The following ZBTB7C variants were observed in gnomAD, a reference collection of about 807,000 sequenced individuals.
ZBTB7C encodes the protein zinc finger and BTB domain-containing protein 7C.
Under a neutral mutation model 25.7 loss-of-function variants are expected in ZBTB7C, and 8 were observed. The observed-to-expected ratio is 0.31, with a 90% CI of 0.18 to 0.56. The LOEUF (loss-of-function observed/expected upper bound fraction) is 0.56, where lower values mean the gene tolerates loss of function less well. ZBTB7C is among the 20% of genes least tolerant of loss of function. ZBTB7C has a pLI of 0.91. For missense variants in ZBTB7C, 824 were observed against 855.2 expected (o/e 0.96, Z 0.46); for synonymous variants, 394 against 369.0 (o/e 1.07, Z -0.78).
chr18:48,317,848 T>A (rs1212698382), intron 2 of ZBTB7C, among the ~76,000 whole-genome samples: 1 of 152,184 alleles, frequency 6.6e-6, no homozygotes, highest in Non-Finnish European at 1.5e-5. Flanking sequence ...TCTGACCCTG[T>A]AGGTCTGGGG....
chr18:48,317,257 C>CA (rs71165318), intron 2 of ZBTB7C, among the ~76,000 whole-genome samples: 1,712 of 68,062 alleles, frequency 0.025, 31 homozygotes, highest in African/African-American at 0.056. Flanking sequence ...AACTCCGTCT[C>CA]AAAAAAAAAA....
At chr18:48,142,201 G>A (rs1046131909) in intron 3 of ZBTB7C, among the ~76,000 whole-genome samples, 2 of 152,252 alleles carry the variant, frequency 1.3e-5, no homozygotes, top group Admixed American at 6.5e-5. Context: ...AGAACATAAT[G>A]GTGATCCAGA....
chr18:48,245,756 C>T (rs2144393129), intron 2 of ZBTB7C, among the ~76,000 whole-genome samples: 1 of 152,224 alleles, frequency 6.6e-6, no homozygotes, highest in African/African-American at 2.4e-5. Context: ...AGGTTGAGAG[C>T]TGTGCTCCAG....
chr18:48,217,765 C>T (rs1388830991), intron 2 of ZBTB7C, among the ~76,000 whole-genome samples: 1 of 152,226 alleles, frequency 6.6e-6, no homozygotes. Flanking sequence ...AGGCCCCTGC[C>T]TCCCAGCCAG....
rs116702813 is a variant in ZBTB7C at position 48,135,744 on chromosome 18, C to A, written c.-17+50190G>T. ...AGAGCCTTTACCACCTCCAAGCCAG[C>A]GCGCCCCTCCCCCTTCCAAAAAATC... On this transcript the variant is annotated intron_variant, in intron 3 of 4. Transcript: ENST00000590800. Among the ~76,000 whole-genome samples the A allele has an allele frequency of 6.3e-3, 958 of 152,300 alleles. 11 individuals carry two copies. Among genetic ancestry groups the A allele is most frequent in the African/African-American group, 0.022 (899 of 41,548 alleles).
intron 3 of ZBTB7C, chr18:48,162,452 C>T (rs973526824): frequency 2.0e-5 from 9 of 453,212 alleles, no homozygotes; most frequent in African/African-American, 1.8e-4. Flanking sequence ...CGGTTTGGTG[C>T]CTGGCACATA....
chr18:48,221,925 C>T (rs978893708), intron 2 of ZBTB7C, among the ~76,000 whole-genome samples: 2 of 144,238 alleles, frequency 1.4e-5, no homozygotes, highest in South Asian at 2.1e-4. Context: ...GTCCTAGTCT[C>T]CTCTATACTG....
intron 2 of ZBTB7C, among the ~76,000 whole-genome samples, chr18:48,203,795 C>G (rs1224248127): frequency 6.6e-6 from 1 of 152,188 alleles, no homozygotes; most frequent in Non-Finnish European, 1.5e-5. Context: ...CAGCACCCAG[C>G]CCAGAGCCTG....
At chr18:48,381,247 G>C (rs1472461851) in intron 1 of ZBTB7C, among the ~76,000 whole-genome samples, 2 of 152,290 alleles carry the variant, frequency 1.3e-5, no homozygotes, top group East Asian at 3.9e-4. Flanking sequence ...CAACACAGGA[G>C]AGAATCAAAG....
At chr18:48,383,574 A>G (rs2047680087) in intron 1 of ZBTB7C, among the ~76,000 whole-genome samples, 1 of 152,180 alleles carries the variant, frequency 6.6e-6, no homozygotes, top group Non-Finnish European at 1.5e-5. Flanking sequence ...GGCCAAGTGC[A>G]ATCTTTTTCA....
intron 1 of ZBTB7C, among the ~76,000 whole-genome samples, chr18:48,343,441 G>A (rs954914832): frequency 3.3e-5 from 5 of 152,094 alleles, no homozygotes; most frequent in Admixed American, 1.3e-4. Context: ...AATATTAAAT[G>A]CAATAAAATA....
chr18:48,263,660 T>C (rs890639424), intron 2 of ZBTB7C, among the ~76,000 whole-genome samples: 4 of 148,400 alleles, frequency 2.7e-5, no homozygotes, highest in African/African-American at 1.0e-4. Context: ...TCTATTCATG[T>C]CCCTGTGGCT....
intron 2 of ZBTB7C, among the ~76,000 whole-genome samples, chr18:48,193,721 C>G (rs1450643243): frequency 2.6e-5 from 4 of 152,310 alleles, no homozygotes; most frequent in South Asian, 4.1e-4. Context: ...GGTGGAGAGG[C>G]CAGGATCCAC....
chr18:48,351,176 C>G (rs953385278), intron 1 of ZBTB7C, among the ~76,000 whole-genome samples: 2 of 152,040 alleles, frequency 1.3e-5, no homozygotes, highest in African/African-American at 4.8e-5. Context: ...TGTGTGAGTG[C>G]GAGATGGAAG....
chr18:48,225,192 C>T (rs888213067), intron 2 of ZBTB7C, among the ~76,000 whole-genome samples: 5 of 152,126 alleles, frequency 3.3e-5, no homozygotes, highest in Non-Finnish European at 7.3e-5. Flanking sequence ...ACACTTATCA[C>T]CTACCTCATC....
intron 2 of ZBTB7C, among the ~76,000 whole-genome samples, chr18:48,332,233 G>T (rs1489247060): frequency 6.6e-6 from 1 of 152,190 alleles, no homozygotes; most frequent in African/African-American, 2.4e-5. Flanking sequence ...GTTAGAGAAA[G>T]AAATAAGGTT....
intron 2 of ZBTB7C, among the ~76,000 whole-genome samples, chr18:48,323,753 G>A (rs1424318001): frequency 3.3e-5 from 5 of 152,142 alleles, no homozygotes; most frequent in Non-Finnish European, 7.4e-5. Context: ...CGGCAGTTCA[G>A]TTGTCAATGA....
intron 2 of ZBTB7C, among the ~76,000 whole-genome samples, chr18:48,305,984 TACAA>T (rs2045664427): frequency 1.3e-5 from 2 of 152,052 alleles, no homozygotes; most frequent in Non-Finnish European, 2.9e-5. Context: ...AAAGAAAAAA[TACAA>T]ACAAACAGAG....
chr18:48,286,181 A>C (rs2045044915), intron 2 of ZBTB7C, among the ~76,000 whole-genome samples: 1 of 152,010 alleles, frequency 6.6e-6, no homozygotes, highest in Non-Finnish European at 1.5e-5. Flanking sequence ...ATATCATTTT[A>C]TCAGGGTATA....
Sources: allele counts gnomAD v4.1 joint callset (sites outside exome capture counted in the v4.1 genomes callset), GRCh38; gene constraint gnomAD v4.1.1; transcripts MANE v1.5; gene names NCBI Gene and HGNC (gene_info 2026-07-23, HGNC 2026-07-21).